CFAP92: variants seen among roughly 807,000 people sequenced by gnomAD.
CFAP92 encodes the protein uncharacterized protein CFAP92.
Under a neutral mutation model 106.3 loss-of-function variants are expected in CFAP92, and 86 were observed. The observed-to-expected ratio is 0.81, with a 90% CI of 0.68 to 0.97. CFAP92 has a LOEUF of 0.97. Among genes scored for constraint, CFAP92 ranks in the 50% least tolerant of loss-of-function variants. The probability of loss-of-function intolerance (pLI) is 0.00; values close to 1 mark genes in which losing one functional copy is unlikely to be tolerated. For missense variants in CFAP92, 1,204 were observed against 1,283.8 expected (o/e 0.94, Z 0.95); for synonymous variants, 477 against 506.4 (o/e 0.94, Z 0.78).
chr3:128,920,373 T>C (rs1015385825), intron 12 of CFAP92, among the ~76,000 whole-genome samples: 53 of 152,158 alleles, frequency 3.5e-4, no homozygotes, highest in African/African-American at 1.1e-3. Flanking sequence ...TACTGCACTC[T>C]AGCCTGGGCC....
At chr3:128,994,092 C>A (rs946941659), upstream of CFAP92, 1 of 985,014 alleles carries the variant, frequency 1.0e-6, no homozygotes, top group Admixed American at 6.2e-5. Flanking sequence ...GAGCGTCCGC[C>A]GGTGCAGGGA....
intron 12 of CFAP92, among the ~76,000 whole-genome samples, chr3:128,918,340 G>T (rs1421159034): frequency 6.6e-6 from 1 of 152,186 alleles, no homozygotes; most frequent in Non-Finnish European, 1.5e-5. Context: ...GGGCATGGTG[G>T]CACACGCCTG....
In CFAP92 at chr3:128,945,194, T is replaced by C. The variant is rs1940079107; in HGVS notation, c.2135A>G (p.Gln712Arg). 6.5e-7 allele frequency: 1 copy of C among 1,536,192 alleles called. No individual in the cohort carries two copies. The highest frequency in any genetic ancestry group is 8.7e-7 in the Non-Finnish European group (1 of 1,146,932). ...GAGCACATCCAGGTGCTGCTGCTCC[T>C]GGACCCGCACACGCACCTTGAAGGC... is the stretch of plus-strand genomic sequence containing the variant. ...LSAFKVRVRV[Q>R]EQQHLDVLTG... The change falls in exon 10 of 16, where the codon CAG (glutamine) becomes CGG (arginine). Residue 712 changes from glutamine to arginine, a missense_variant. Coordinates refer to ENST00000645291, the MANE Select transcript of CFAP92 (RefSeq NM_001394090.1).
At chr3:129,010,581 A>C in the CFAP92 span, among the ~76,000 whole-genome samples, 1 of 152,032 alleles carries the variant, frequency 6.6e-6, no homozygotes, top group East Asian at 2.0e-4. This position sits in a 1 kb window ranked among gnomAD's most constrained non-coding sequence, Gnocchi z 4.3. Context: ...AGATGAGGCC[A>C]TCTGAGGGCT....
chr3:129,014,791 G>A, the CFAP92 span, among the ~76,000 whole-genome samples: 7 of 152,196 alleles, frequency 4.6e-5, no homozygotes. This position sits in a 1 kb window ranked among gnomAD's most constrained non-coding sequence, Gnocchi z 4.3. Flanking sequence ...AGCTTGGCTT[G>A]TCTGCACTGC....
intron 5 of CFAP92, among the ~76,000 whole-genome samples, chr3:128,977,517 T>A (rs1272997331): frequency 6.6e-6 from 1 of 152,220 alleles, no homozygotes; most frequent in Non-Finnish European, 1.5e-5. Flanking sequence ...TATACTTTTA[T>A]CTATTCACTG....
At chr3:128,918,623 T>C (rs577006933) in intron 12 of CFAP92, among the ~76,000 whole-genome samples, 7 of 152,200 alleles carry the variant, frequency 4.6e-5, no homozygotes, top group Non-Finnish European at 1.0e-4. Context: ...GAGCCTGGAA[T>C]TGAAATTCTA....
At chr3:128,981,695 T>C (rs1367543560) in intron 4 of CFAP92, among the ~76,000 whole-genome samples, 2 of 152,224 alleles carry the variant, frequency 1.3e-5, no homozygotes, top group Non-Finnish European at 1.5e-5. Flanking sequence ...ATGGAAGCTA[T>C]GGCCTTATGA....
In CFAP92 at chr3:128,987,713, C is replaced by T; in HGVS notation, c.570G>A (p.Arg190=). 6.2e-7 allele frequency: 1 copy of T among 1,613,956 alleles called. No homozygotes were observed. Among genetic ancestry groups the T allele is most frequent in the South Asian group, 1.1e-5 (1 of 91,076 alleles). Residue 190 remains arginine, a synonymous_variant, in exon 4 of 16, where the codon AGG becomes AGA. Transcript: ENST00000645291. ...KKINFHKITL[R]LWNTKDKMSR... Reference sequence around the variant, plus strand: ...ACATCTTGTCTTTAGTGTTCCAGAGCCTCAAGGTGATTTTGTGGAAATTTA... The same window carrying T: ...ACATCTTGTCTTTAGTGTTCCAGAGTCTCAAGGTGATTTTGTGGAAATTTA...
chr3:129,000,640 C>T (rs1238189149), intron 1 of CFAP92, among the ~76,000 whole-genome samples: 1 of 152,214 alleles, frequency 6.6e-6, no homozygotes, highest in African/African-American at 2.4e-5. Flanking sequence ...ACCAGAGAAG[C>T]AGGTTTTTCT....
Position 128,945,112 on chromosome 3 carries a change from G to A in CFAP92, c.2217C>T (p.Ala739=), listed in dbSNP as rs7619327. 0.1 allele frequency: 158,810 copies of A among 1,533,984 alleles called. 9,977 individuals are homozygous for A. Among genetic ancestry groups the A allele is most frequent in the African/African-American group, 0.28 (20,408 of 73,016 alleles). ...CCCACAGCTGCCTCAAGCCTTGGTCGGCCAGGCCTTCCAGGATGAAAAGGT... is the reference window on the plus strand; with the variant it reads ...CCCACAGCTGCCTCAAGCCTTGGTCAGCCAGGCCTTCCAGGATGAAAAGGT... ...KTHLFILEGL[A]DQGLRQLWEN... Residue 739 remains alanine, a synonymous_variant, in exon 10 of 16, where the codon GCC becomes GCT. Transcript: ENST00000645291.
intron 12 of CFAP92, among the ~76,000 whole-genome samples, chr3:128,919,010 C>T (rs970783643): frequency 3.5e-5 from 5 of 142,034 alleles, no homozygotes; most frequent in East Asian, 4.1e-4. Context: ...TGGAATGGCG[C>T]GATCTTGGCT....
chr3:128,946,055 A>G (rs1940185200), intron 9 of CFAP92, 80 bp from the exon 10 acceptor site: 3 of 1,059,876 alleles, frequency 2.8e-6, no homozygotes, highest in Non-Finnish European at 1.3e-6. Flanking sequence ...CTCAAATCCC[A>G]GTGCCAGGCT....
chr3:128,958,156 A>T (rs1453186729), intron 9 of CFAP92, among the ~76,000 whole-genome samples: 1 of 152,144 alleles, frequency 6.6e-6, no homozygotes, highest in African/African-American at 2.4e-5. Context: ...TCCAAATAAG[A>T]TCACATTCTG....
intron 12 of CFAP92, among the ~76,000 whole-genome samples, chr3:128,924,432 C>CTTTTTTTTTTTTTT: frequency 1.4e-5 from 1 of 69,808 alleles, no homozygotes; most frequent in Non-Finnish European, 2.6e-5. Context: ...ACGATTGTAT[C>CTTTTTTTTTTTTTT]TTTTTTTTTT....
At chr3:128,946,522 G>C (rs1036624533) in intron 9 of CFAP92, among the ~76,000 whole-genome samples, 12 of 152,212 alleles carry the variant, frequency 7.9e-5, no homozygotes, top group African/African-American at 2.7e-4. Flanking sequence ...GAGGCAGAAA[G>C]CAGGGACATT....
In CFAP92 at chr3:128,935,247, A is replaced by G; in HGVS notation, c.2331T>C (p.Tyr777=). The change falls in exon 11 of 16, where the codon TAT becomes TAC. Residue 777 remains tyrosine (Y), a synonymous_variant. Transcript: ENST00000645291. ...GGTACAGGATGGCCTCCAGGTCCCC[A>G]TAGAGCCGGCTGCGGAACAGCAGCT... ...NSQLLFRSRL[Y]GDLEAILYHV... 1 of 1,536,014 alleles carries G rather than the reference A, an allele frequency of 6.5e-7. No individual in the cohort carries two copies. The highest frequency in any genetic ancestry group is 8.7e-7 in the Non-Finnish European group (1 of 1,146,810).
chr3:128,949,763 G>A (rs1454774471), intron 9 of CFAP92, among the ~76,000 whole-genome samples: 1 of 152,088 alleles, frequency 6.6e-6, no homozygotes, highest in Admixed American at 6.6e-5. Context: ...CTTGGCTCAC[G>A]GCAACCTCTG....
At chr3:128,965,483 A>T in intron 9 of CFAP92, 28 bp downstream of exon 9, 1 of 399,022 alleles carries the variant, frequency 2.5e-6, no homozygotes, top group Non-Finnish European at 4.4e-6. Context: ...GAGGAGCTCT[A>T]AACTCCATGG....
Sources: gnomAD v4.1 joint callset for allele counts (sites outside exome capture counted in the v4.1 genomes callset) on GRCh38, gnomAD v4.1.1 for gene constraint, Gnocchi (gnomAD v3.1) non-coding constraint, MANE v1.5 for transcripts, NCBI Gene and HGNC (gene_info 2026-07-23, HGNC 2026-07-21) for gene names.